NAALADL2: variants seen among roughly 807,000 people sequenced by gnomAD.
NAALADL2 encodes the protein N-acetylated alpha-linked acidic dipeptidase like 2.
A neutral mutation model predicts 87.2 loss-of-function variants in NAALADL2; 76 were observed. That is an observed-to-expected ratio of 0.87 (90% CI 0.72 to 1.05). NAALADL2 has a LOEUF of 1.05. Among genes scored for constraint, NAALADL2 ranks in the 50% least tolerant of loss-of-function variants. The pLI, the probability that NAALADL2 is intolerant of heterozygous loss-of-function variation, is 0.00. For missense variants in NAALADL2, 1,089 were observed against 945.8 expected, an observed-to-expected ratio of 1.15 and a Z score of -1.99; for synonymous variants, 354 against 331.0, an observed-to-expected ratio of 1.07 and a Z score of -0.75.
chr3:175,627,974 G>T (rs1450977484), intron 11 of NAALADL2, among the ~76,000 whole-genome samples: 3 of 151,230 alleles, frequency 2.0e-5, no homozygotes, highest in East Asian at 3.9e-4. Flanking sequence ...GAAAAAAAAG[G>T]CTACTTTTTA....
At chr3:175,258,248 C>T (rs946096044) in intron 4 of NAALADL2, among the ~76,000 whole-genome samples, 3 of 143,926 alleles carry the variant, frequency 2.1e-5, no homozygotes, top group Non-Finnish European at 4.5e-5. Context: ...GCAGAACTTG[C>T]AATGAGCCGA....
At chr3:175,443,395 T>G (rs77820276) in intron 5 of NAALADL2, among the ~76,000 whole-genome samples, 6,505 of 152,292 alleles carry the variant, frequency 0.043, 344 homozygotes, top group East Asian at 0.14. Context: ...TTTATTAACA[T>G]AAATATATCT....
At chr3:175,343,777 A>G (rs992484099) in intron 5 of NAALADL2, among the ~76,000 whole-genome samples, 2 of 151,792 alleles carry the variant, frequency 1.3e-5, no homozygotes, top group East Asian at 1.9e-4. Flanking sequence ...AAGTTAAAAA[A>G]TAAAATTTCT....
chr3:175,138,914 A>ATG (rs1414285611), intron 2 of NAALADL2, among the ~76,000 whole-genome samples: 1 of 142,174 alleles, frequency 7.0e-6, no homozygotes, highest in Non-Finnish European at 1.5e-5. Context: ...ATATATATAT[A>ATG]TATATATATA....
intron 2 of NAALADL2, among the ~76,000 whole-genome samples, chr3:175,113,347 G>A (rs1259509641): frequency 6.6e-6 from 1 of 151,474 alleles, no homozygotes; most frequent in Non-Finnish European, 1.5e-5. Flanking sequence ...CAGACAGAAA[G>A]ACAGATGCCA....
chr3:174,652,187 T>C (rs1035789613), intron 2 of NAALADL2, among the ~76,000 whole-genome samples: 2 of 152,204 alleles, frequency 1.3e-5, no homozygotes, highest in African/African-American at 4.8e-5. Flanking sequence ...ATGGGAATTG[T>C]GGCCTCTGAA....
intron 11 of NAALADL2, among the ~76,000 whole-genome samples, chr3:175,715,572 T>A (rs899697147): frequency 2.0e-5 from 3 of 152,088 alleles, no homozygotes; most frequent in African/African-American, 7.2e-5. Flanking sequence ...ATTAAACAAA[T>A]GACTATAAGA....
At chr3:175,371,336 C>G (rs1171337292) in intron 5 of NAALADL2, among the ~76,000 whole-genome samples, 2 of 151,972 alleles carry the variant, frequency 1.3e-5, no homozygotes, top group Non-Finnish European at 2.9e-5. Flanking sequence ...GGCGCTATCT[C>G]GGCTCACTGC....
rs764831561 is a variant in NAALADL2 at position 175,447,263 on chromosome 3, C to T, written c.1125C>T (p.Thr375=). Residue 375 remains threonine (T), a synonymous_variant, in exon 6 of 14, where the codon ACC becomes ACT. Coordinates refer to ENST00000454872, the MANE Select transcript of NAALADL2 (RefSeq NM_207015.3). ...ESFRQSRSNL[T]SLLVQPISAP... is the part of the protein sequence containing the mutation. Reference sequence around the variant, plus strand: ...TTAGACAAAGCCGATCAAACCTCACCTCTCTATTAGTGCAGCCCATCTCTG... The same window carrying T: ...TTAGACAAAGCCGATCAAACCTCACTTCTCTATTAGTGCAGCCCATCTCTG... 4 of 1,601,952 alleles carry T rather than the reference C, an allele frequency of 2.5e-6. No individual in the cohort carries two copies. Among genetic ancestry groups the T allele is most frequent in the African/African-American group, 1.3e-5 (1 of 74,370 alleles).
At chr3:175,476,235 C>T (rs1440560768) in intron 9 of NAALADL2, among the ~76,000 whole-genome samples, 1 of 152,022 alleles carries the variant, frequency 6.6e-6, no homozygotes, top group Non-Finnish European at 1.5e-5. Flanking sequence ...GTGAATATCC[C>T]GTTTGTTGCA....
chr3:174,886,664 C>T (rs1179591203), intron 1 of NAALADL2, among the ~76,000 whole-genome samples: 1 of 152,132 alleles, frequency 6.6e-6, no homozygotes, highest in East Asian at 1.9e-4. Flanking sequence ...ATTTGAAATA[C>T]AAATACACTT....
intron 9 of NAALADL2, among the ~76,000 whole-genome samples, chr3:175,529,632 G>T (rs1733847472): frequency 6.6e-6 from 1 of 152,132 alleles, no homozygotes; most frequent in African/African-American, 2.4e-5. Context: ...CCACCATTCT[G>T]TCAATCCAGC....
chr3:174,599,768 T>G (rs1017179132), intron 2 of NAALADL2, among the ~76,000 whole-genome samples: 3 of 152,180 alleles, frequency 2.0e-5, no homozygotes, highest in African/African-American at 7.2e-5. Context: ...GAACTATGTA[T>G]GATAATTCTT....
At chr3:175,680,924 C>A (rs1319638429) in intron 11 of NAALADL2, among the ~76,000 whole-genome samples, 1 of 152,064 alleles carries the variant, frequency 6.6e-6, no homozygotes. Flanking sequence ...ACAATCCTGG[C>A]CAACATGGTG....
intron 2 of NAALADL2, among the ~76,000 whole-genome samples, chr3:174,574,056 G>T (rs2108542244): frequency 6.6e-6 from 1 of 152,246 alleles, no homozygotes; most frequent in Non-Finnish European, 1.5e-5. Context: ...TCCCTTTAAA[G>T]AATGTATATT....
chr3:174,674,812 A>G (rs1324893246), intron 2 of NAALADL2, among the ~76,000 whole-genome samples: 1 of 152,026 alleles, frequency 6.6e-6, no homozygotes, highest in Non-Finnish European at 1.5e-5. Context: ...AATGACCTTC[A>G]TAAAATGCTT....
At chr3:175,688,086 TTC>T (rs1300943623) in intron 11 of NAALADL2, among the ~76,000 whole-genome samples, 2 of 152,116 alleles carry the variant, frequency 1.3e-5, no homozygotes, top group African/African-American at 4.8e-5. Context: ...TGAATTAATA[TTC>T]TGTTTGTTAC....
chr3:174,978,556 C>G (rs926436122), intron 1 of NAALADL2, among the ~76,000 whole-genome samples: 3 of 152,192 alleles, frequency 2.0e-5, no homozygotes, highest in African/African-American at 4.8e-5. Context: ...TGGCAATGGA[C>G]AGGAGAAATC....
At chr3:174,941,393 G>T (rs567984765) in intron 1 of NAALADL2, among the ~76,000 whole-genome samples, 1 of 152,046 alleles carries the variant, frequency 6.6e-6, no homozygotes, top group African/African-American at 2.4e-5. Context: ...TTTTACATTT[G>T]CTGTGGATTG....
Sources: allele counts gnomAD v4.1 joint callset (sites outside exome capture counted in the v4.1 genomes callset), GRCh38; gene constraint gnomAD v4.1.1; transcripts MANE v1.5; gene names NCBI Gene and HGNC (gene_info 2026-07-23, HGNC 2026-07-21).